The following UNC5B variants were observed in gnomAD, a reference collection of about 807,000 sequenced individuals.
UNC5B encodes netrin receptor UNC5B.
A neutral mutation model predicts 103.7 loss-of-function variants in UNC5B; 56 were observed. The observed-to-expected ratio is 0.54, with a 90% confidence interval of 0.44 to 0.67. The LOEUF (loss-of-function observed/expected upper bound fraction) is 0.67, where lower values mean the gene tolerates loss of function less well. Among genes scored for constraint, UNC5B ranks in the 30% least tolerant of loss-of-function variants. The probability of loss-of-function intolerance (pLI) is 0.00; values close to 1 mark genes in which losing one functional copy is unlikely to be tolerated. For synonymous variants in UNC5B, 577 were observed against 542.0 expected, an observed-to-expected ratio of 1.06 and a Z score of -0.90; for missense variants, 1,194 against 1,284.5, an observed-to-expected ratio of 0.93 and a Z score of 1.08.
Position 71,291,472 on chromosome 10 carries a change from G to C in UNC5B, c.1335G>C (p.Leu445=). The C allele has an allele frequency of 6.2e-7, 1 of 1,613,716 alleles. No homozygotes were observed. Among genetic ancestry groups the C allele is most frequent in the Non-Finnish European group, 8.5e-7 (1 of 1,179,812 alleles). Reference sequence around the variant, plus strand: ...TACACCCCTCTGTGCCTCCTGACCTGACAGCCAGCGCCGGCATCTACCGCG... The same window carrying C: ...TACACCCCTCTGTGCCTCCTGACCTCACAGCCAGCGCCGGCATCTACCGCG... ...QLLHPSVPPD[L]TASAGIYRGP... The change falls in exon 10 of 17, where the codon CTG becomes CTC. Residue 445 remains leucine (L), a synonymous_variant. Coordinates refer to ENST00000335350, the MANE Select transcript of UNC5B (RefSeq NM_170744.5).
intron 3 of UNC5B, 70 bp downstream of exon 3, chr10:71,284,933 A>G: frequency 6.6e-7 from 1 of 1,520,710 alleles, no homozygotes; most frequent in South Asian, 1.3e-5. Context: ...TGGAGAGGGA[A>G]CTTCACATCT....
intron 1 of UNC5B, among the ~76,000 whole-genome samples, chr10:71,225,388 G>A (rs979927666): frequency 4.6e-5 from 7 of 152,194 alleles, no homozygotes; most frequent in Admixed American, 3.3e-4. Flanking sequence ...CATTTCCCTG[G>A]CACCTCCCAT....
intron 1 of UNC5B, among the ~76,000 whole-genome samples, chr10:71,265,235 A>T (rs150271869): frequency 6.6e-6 from 1 of 152,178 alleles, no homozygotes; most frequent in Non-Finnish European, 1.5e-5. Context: ...ACCTGCTAGC[A>T]CTGAAGAGGT....
intron 8 of UNC5B, among the ~76,000 whole-genome samples, 193 bp from the exon 9 acceptor site, chr10:71,290,722 T>C (rs1845225109): frequency 6.6e-6 from 1 of 152,232 alleles, no homozygotes; most frequent in African/African-American, 2.4e-5. Flanking sequence ...GGCAGGGACT[T>C]CGAGCCCATT....
At position 71,213,126 on chromosome 10, in the gene UNC5B, GA is replaced by G; in HGVS notation, c.79+64del. On this transcript the variant is annotated intron_variant, in intron 1 of 16. Coordinates refer to ENST00000335350, the MANE Select transcript of UNC5B (RefSeq NM_170744.5). The surrounding 1 kb of genome is among the most constrained non-coding windows in gnomAD (Gnocchi z 4.1). ...GGACCCTTGCGCCTCACTCTGTCCT[GA>G]AGTTGAGGTGGTCTTTCGTCGCATC... 1 of 1,190,862 alleles carries G rather than the reference GA, an allele frequency of 8.4e-7. No homozygotes were observed. The highest frequency in any genetic ancestry group is 1.1e-6 in the Non-Finnish European group (1 of 942,224). The allele number at this position is 1,190,862 out of a possible 1,614,324, so 73.8% of individuals were successfully genotyped here.
intron 1 of UNC5B, among the ~76,000 whole-genome samples, chr10:71,224,059 A>G (rs982336910): frequency 6.6e-6 from 1 of 152,166 alleles, no homozygotes; most frequent in Non-Finnish European, 1.5e-5. Context: ...CCCAGTGACC[A>G]TCCTCAGCTG....
rs773416272 is a variant in UNC5B, at chr10:71,279,772, AG to A, written c.80-46del. On this transcript the variant is annotated intron_variant, in intron 1 of 16. Coordinates refer to ENST00000335350, the MANE Select transcript of UNC5B (RefSeq NM_170744.5). ...CCCCGGGGTGGGCGAGGGGTGCCACAGGGCCCTCCCAGCACACAGCCTCATG... is the reference window on the plus strand; with the variant it reads ...CCCCGGGGTGGGCGAGGGGTGCCACAGGCCCTCCCAGCACACAGCCTCATG... 2.5e-6 allele frequency: 4 copies of A among 1,570,448 alleles called. No homozygotes were observed. The Admixed American group carries it at 7.3e-5, about 29-fold the overall frequency.
In UNC5B at chr10:71,243,096, A is replaced by T. The variant is rs183213805; in HGVS notation, c.79+30032A>T. On this transcript the variant is annotated intron_variant, in intron 1 of 16. Transcript: ENST00000335350. ...TTAAAAATACAAAAATTAGCCGGGC[A>T]TGGTGGCACGCGCCTATAATCCCAG... 5.4e-3 allele frequency among the ~76,000 whole-genome samples: 826 copies of T among 152,208 alleles called. 3 individuals are homozygous for T. The highest frequency in any genetic ancestry group is 0.019 in the African/African-American group (793 of 41,534).
chr10:71,212,768 C>T lies in UNC5B; in HGVS notation c.-218C>T. ...GAGCCAGAGGGGCGCGCCGGAGCCT[C>T]GTTCGAGAGCCGGCGCCAGGCACCC... On this transcript the variant is annotated 5_prime_UTR_variant, in exon 1 of 17. Coordinates refer to ENST00000335350, the MANE Select transcript of UNC5B (RefSeq NM_170744.5). The T allele has an allele frequency of 2.8e-6, 1 of 356,348 alleles. No homozygotes were observed. The highest frequency in any genetic ancestry group is 5.0e-6 in the Non-Finnish European group (1 of 199,752). The allele number at this position is 356,348 out of a possible 1,614,324, so 22.1% of individuals were successfully genotyped here. A position where few individuals can be genotyped will look rare whatever the true frequency, so the allele number is the denominator to read the frequency against.
At chr10:71,219,111 C>T (rs907006342) in intron 1 of UNC5B, among the ~76,000 whole-genome samples, 1 of 152,066 alleles carries the variant, frequency 6.6e-6, no homozygotes, top group Non-Finnish European at 1.5e-5. Flanking sequence ...CCTCGCCCCA[C>T]CCTGGTGTGC....
intron 1 of UNC5B, among the ~76,000 whole-genome samples, chr10:71,274,545 G>A (rs758588791): frequency 1.0e-3 from 154 of 152,264 alleles, no homozygotes; most frequent in Non-Finnish European, 1.9e-3. Flanking sequence ...CTGAGGAGTT[G>A]ATGGGAGACG....
chr10:71,247,714 T>G (rs1726147352), intron 1 of UNC5B, among the ~76,000 whole-genome samples: 1 of 152,336 alleles, frequency 6.6e-6, no homozygotes, highest in African/African-American at 2.4e-5. Flanking sequence ...CTGGGACCTT[T>G]GCATGGTTGG....
At chr10:71,275,579 T>C (rs1440583599) in intron 1 of UNC5B, among the ~76,000 whole-genome samples, 1 of 152,230 alleles carries the variant, frequency 6.6e-6, no homozygotes, top group African/African-American at 2.4e-5. Context: ...CAGATTCTAG[T>C]ATCAGATCAC....
At chr10:71,294,084 A>C in intron 13 of UNC5B, 151 bp downstream of exon 13, 2 of 716,946 alleles carry the variant, frequency 2.8e-6, no homozygotes, top group Non-Finnish European at 4.5e-6. Flanking sequence ...ACACACTGAA[A>C]CAGCCTTGGG....
chr10:71,285,145 T>A (rs1845037850), intron 3 of UNC5B, among the ~76,000 whole-genome samples, 181 bp from the exon 4 acceptor site: 2 of 152,138 alleles, frequency 1.3e-5, no homozygotes, highest in Admixed American at 1.3e-4. Flanking sequence ...GGAACCCTGT[T>A]CCCCCAAGTC....
chr10:71,212,876 C>A lies in UNC5B; in HGVS notation c.-110C>A, dbSNP rs1304865563. ...GAAGGCACGGGCTGGCGCTGCCGGG[C>A]GCCGGGGAGGACGGCGAGGAGGAGG... On this transcript the variant is annotated 5_prime_UTR_variant, in exon 1 of 17. Transcript: ENST00000335350. 1.6e-5 allele frequency: 15 copies of A among 913,190 alleles called. No individual in the cohort carries two copies. Among genetic ancestry groups the A allele is most frequent in the Non-Finnish European group, 2.1e-5 (15 of 698,458 alleles). 56.6% of individuals were successfully genotyped at this position (913,190 alleles called of 1,614,324 possible).
In UNC5B at chr10:71,287,747, T is replaced by G; in HGVS notation, c.883T>G (p.Cys295Gly). 1 of 1,612,822 alleles carries G rather than the reference T, an allele frequency of 6.2e-7. No homozygotes were observed. Among genetic ancestry groups the G allele is most frequent in the Non-Finnish European group, 8.5e-7 (1 of 1,179,306 alleles). ...GGGCCAGGCATTCCAGAAGACCGCC[T>G]GCACCACCATCTGCCCAGGTAAGGA... ...CEGQAFQKTA[C>G]TTICPVDGAW... is the part of the protein sequence containing the mutation. Residue 295 changes from cysteine (C) to glycine (G), a missense_variant, in exon 6 of 17, where the codon TGC (cysteine) becomes GGC (glycine). Cys to Gly is a radical substitution (Grantham distance 159, BLOSUM62 -3). Transcript: ENST00000335350.
intron 2 of UNC5B, among the ~76,000 whole-genome samples, chr10:71,281,353 T>G (rs548011911): frequency 6.6e-6 from 1 of 152,202 alleles, no homozygotes; most frequent in African/African-American, 2.4e-5. Flanking sequence ...TTTTTTTTTT[T>G]TTTTGGAGAC....
intron 3 of UNC5B, 62 bp downstream of exon 3, chr10:71,284,925 G>C (rs992479503): frequency 1.3e-6 from 2 of 1,527,294 alleles, no homozygotes; most frequent in East Asian, 4.5e-5. Context: ...GAGGATGCTG[G>C]AGAGGGAACT....
Sources: gnomAD v4.1 joint callset for allele counts (sites outside exome capture counted in the v4.1 genomes callset) on GRCh38, gnomAD v4.1.1 for gene constraint, Gnocchi (gnomAD v3.1) non-coding constraint, MANE v1.5 for transcripts, NCBI Gene and HGNC (gene_info 2026-07-23, HGNC 2026-07-21) for gene names.